The following KCNQ1 variants were observed in gnomAD, a reference collection of about 807,000 sequenced individuals.
KCNQ1 encodes potassium voltage-gated channel subfamily KQT member 1.
Under a neutral mutation model 72.4 loss-of-function variants are expected in KCNQ1, and 49 were observed. The ratio of observed to expected loss-of-function variants is 0.68; its 90% CI spans 0.54 to 0.86. The LOEUF (loss-of-function observed/expected upper bound fraction) is 0.86. Among genes scored for constraint, KCNQ1 ranks in the 40% least tolerant of loss-of-function variants. The pLI is 0.00. For missense variants in KCNQ1, 790 were observed against 945.1 expected (o/e 0.84, Z 2.15); for synonymous variants, 450 against 412.6 (o/e 1.09, Z -1.10).
chr11:2,527,745 C>T (rs969864165), intron 1 of KCNQ1, among the ~76,000 whole-genome samples, 183 bp from the exon 2 acceptor site: 11 of 152,250 alleles, frequency 7.2e-5, no homozygotes, highest in Non-Finnish European at 1.3e-4. Flanking sequence ...CGTGGCGGGA[C>T]GGCATCCCTC....
chr11:2,685,113 G>A (rs1253596397), intron 11 of KCNQ1: 3 of 398,664 alleles, frequency 7.5e-6, no homozygotes, highest in South Asian at 2.5e-4. Context: ...TTGGCACGGG[G>A]GGTCTGATGG....
At chr11:2,530,737 G>A (rs1165781690) in intron 2 of KCNQ1, among the ~76,000 whole-genome samples, 3 of 152,214 alleles carry the variant, frequency 2.0e-5, no homozygotes, top group African/African-American at 7.2e-5. Flanking sequence ...GTGTACATGT[G>A]TGAATGTGGC....
intron 12 of KCNQ1, chr11:2,771,717 A>G (rs1846602598): frequency 6.6e-6 from 1 of 152,152 alleles, no homozygotes; most frequent in Non-Finnish European, 1.5e-5. Context: ...CAAATACAAA[A>G]AGAGAGAGAG....
intron 1 of KCNQ1, among the ~76,000 whole-genome samples, chr11:2,465,781 G>A (rs543881857): frequency 1.3e-5 from 2 of 152,334 alleles, no homozygotes; most frequent in South Asian, 2.1e-4. Context: ...TTCCGGGCAG[G>A]CTGGGAACAA....
intron 15 of KCNQ1, among the ~76,000 whole-genome samples, chr11:2,792,167 G>A (rs1179108458): frequency 6.6e-6 from 1 of 152,148 alleles, no homozygotes; most frequent in African/African-American, 2.4e-5. Flanking sequence ...CACTCCCGCG[G>A]CCTCCAGGGG....
Position 2,613,999 on chromosome 11 carries a change from A to AT in KCNQ1, c.1393+25147dup. On this transcript the variant is annotated intron_variant, in intron 10 of 15. Coordinates refer to ENST00000155840, the MANE Select transcript of KCNQ1 (RefSeq NM_000218.3). The surrounding 1 kb of genome is among the most constrained non-coding windows in gnomAD (Gnocchi z 4.8). Reference sequence around the variant, plus strand: ...ACATCCATTCACAGAGATCTTTCTCATTGCATTGCTAAAGTTGCATAGTAT... The same window carrying AT: ...ACATCCATTCACAGAGATCTTTCTCATTTGCATTGCTAAAGTTGCATAGTAT... 2.5e-6 allele frequency: 1 copy of AT among 398,602 alleles called. No homozygotes were observed. The highest frequency in any genetic ancestry group is 4.4e-6 in the Non-Finnish European group (1 of 226,062). The allele number at this position is 398,602 out of a possible 1,614,324, so 24.7% of individuals were successfully genotyped here.
chr11:2,641,698 A>T, intron 10 of KCNQ1: 1 of 398,378 alleles, frequency 2.5e-6, no homozygotes. Flanking sequence ...TTATCCATAA[A>T]ATCTTTCCCT....
intron 10 of KCNQ1, among the ~76,000 whole-genome samples, chr11:2,604,215 C>T (rs891774844): frequency 1.1e-4 from 16 of 151,994 alleles, no homozygotes; most frequent in Admixed American, 1.0e-3. Flanking sequence ...TGGTGGCTCA[C>T]ACCTGTAATC....
At position 2,712,049 on chromosome 11, in the gene KCNQ1, G is replaced by A. The variant is rs1369158100; in HGVS notation, c.1514+49968G>A. Among the ~76,000 whole-genome samples the A allele has an allele frequency of 1.3e-5, 2 of 152,178 alleles. No individual in the cohort carries two copies. Among genetic ancestry groups the A allele is most frequent in the African/African-American group, 4.8e-5 (2 of 41,426 alleles). ...TGAATCTCTACCCATCTGTAAAAAG[G>A]AGAAATCGTTTCTGTGCTCCCTGCC... is the stretch of plus-strand genomic sequence containing the variant. On this transcript the variant is annotated intron_variant, in intron 11 of 15. Coordinates refer to ENST00000155840, the MANE Select transcript of KCNQ1 (RefSeq NM_000218.3). This position sits in a 1 kb window ranked among gnomAD's most constrained non-coding sequence, Gnocchi z 6.4.
chr11:2,641,137 A>C (rs1328129234), intron 10 of KCNQ1: 1 of 398,520 alleles, frequency 2.5e-6, no homozygotes, highest in African/African-American at 2.1e-5. Flanking sequence ...ACGGGGATGC[A>C]GGTACATTTT....
At position 2,588,019 on chromosome 11, in the gene KCNQ1, G is replaced by C. The variant is rs957557128; in HGVS notation, c.1251+327G>C. 6.6e-6 allele frequency among the ~76,000 whole-genome samples: 1 copy of C among 152,066 alleles called. No homozygotes were observed. Among genetic ancestry groups the C allele is most frequent in the Admixed American group, 6.6e-5 (1 of 15,264 alleles). ...TGGGCTTTCCACACCGGGCGCAGTGGGTGGTGAGCAGTGGGCAGGGGGCCG... is the reference window on the plus strand; with the variant it reads ...TGGGCTTTCCACACCGGGCGCAGTGCGTGGTGAGCAGTGGGCAGGGGGCCG... On this transcript the variant is annotated intron_variant, in intron 9 of 15. Coordinates refer to ENST00000155840, the MANE Select transcript of KCNQ1 (RefSeq NM_000218.3). This position sits in a 1 kb window ranked among gnomAD's most constrained non-coding sequence, Gnocchi z 5.6.
chr11:2,799,077 C>T (rs1476853422), intron 15 of KCNQ1, among the ~76,000 whole-genome samples: 1 of 152,150 alleles, frequency 6.6e-6, no homozygotes, highest in Non-Finnish European at 1.5e-5. Context: ...AAGCAGCTCC[C>T]TTGGGTAACT....
intron 15 of KCNQ1, among the ~76,000 whole-genome samples, chr11:2,835,847 C>T (rs1027499671): frequency 2.0e-5 from 3 of 152,148 alleles, no homozygotes; most frequent in African/African-American, 4.8e-5. Flanking sequence ...TGTCCAGGAG[C>T]GACGGGAAGC....
In KCNQ1 at chr11:2,600,606, T is replaced by C. The variant is rs1162258437; in HGVS notation, c.1393+11752T>C. Among the ~76,000 whole-genome samples, 1 of 152,244 alleles carries C rather than the reference T, an allele frequency of 6.6e-6. No homozygotes were observed. The highest frequency in any genetic ancestry group is 1.5e-5 in the Non-Finnish European group (1 of 68,044). The stretch of plus-strand genomic sequence containing the variant: ...TGAAAGCAGTAATACAGTTATTGAC[T>C]TCTGCAATTAAACATCAATATAATA... On this transcript the variant is annotated intron_variant, in intron 10 of 15. Transcript: ENST00000155840. This position sits in a 1 kb window ranked among gnomAD's most constrained non-coding sequence, Gnocchi z 5.6.
intron 11 of KCNQ1, among the ~76,000 whole-genome samples, chr11:2,700,503 C>G (rs1168866481): frequency 6.6e-6 from 1 of 152,078 alleles, no homozygotes; most frequent in South Asian, 2.1e-4. Flanking sequence ...TGCAGCGACC[C>G]TCGAACCCGG....
At chr11:2,807,326 G>A (rs1847396345) in intron 15 of KCNQ1, among the ~76,000 whole-genome samples, 1 of 152,150 alleles carries the variant, frequency 6.6e-6, no homozygotes, top group Non-Finnish European at 1.5e-5. Context: ...CTGTTTGTGT[G>A]CTATTTTAAT....
Position 2,630,863 on chromosome 11 carries a change from G to T in KCNQ1, c.1394-31098G>T, listed in dbSNP as rs142657564. 1.3e-4 allele frequency: 51 copies of T among 398,474 alleles called. No homozygotes were observed. The highest frequency in any genetic ancestry group is 8.6e-4 in the African/African-American group (42 of 48,756). 24.7% of individuals were successfully genotyped at this position (398,474 alleles called of 1,614,324 possible). A position where few individuals can be genotyped will look rare whatever the true frequency, so the allele number is the denominator to read the frequency against. Reference sequence around the variant, plus strand: ...AGCTTTGCTGTGTAAAGTATTCTTAGATGGCAGTTTTTTATCTTTCAGAAC... The same window carrying T: ...AGCTTTGCTGTGTAAAGTATTCTTATATGGCAGTTTTTTATCTTTCAGAAC... On this transcript the variant is annotated intron_variant, in intron 10 of 15. Coordinates refer to ENST00000155840, the MANE Select transcript of KCNQ1 (RefSeq NM_000218.3).
chr11:2,474,000 C>T lies in KCNQ1; in HGVS notation c.386+28516C>T, dbSNP rs1004231147. Among the ~76,000 whole-genome samples the T allele has an allele frequency of 7.2e-5, 11 of 152,348 alleles. No individual in the cohort carries two copies. The highest frequency in any genetic ancestry group is 4.1e-4 in the South Asian group (2 of 4,834). On this transcript the variant is annotated intron_variant, in intron 1 of 15. Transcript: ENST00000155840. This position sits in a 1 kb window ranked among gnomAD's most constrained non-coding sequence, Gnocchi z 6.0. ...CTTGGGAGGGAGGTAAGCGGGCAGC[C>T]GGGCCAACCTGCTGCTTGGGGAAGG...
intron 11 of KCNQ1, among the ~76,000 whole-genome samples, chr11:2,714,651 G>A (rs1851059417): frequency 6.6e-6 from 1 of 152,186 alleles, no homozygotes; most frequent in Admixed American, 6.5e-5. Context: ...CATGCCAGGT[G>A]GCGGACATAG....
Sources: allele counts gnomAD v4.1 joint callset (sites outside exome capture counted in the v4.1 genomes callset), GRCh38; gene constraint gnomAD v4.1.1; non-coding constraint Gnocchi (gnomAD v3.1); transcripts MANE v1.5; gene names NCBI Gene and HGNC (gene_info 2026-07-23, HGNC 2026-07-21).